The following ANKRD16 variants were observed in gnomAD, a reference collection of about 807,000 sequenced individuals.
ANKRD16 encodes the protein ankyrin repeat domain-containing protein 16.
Under a neutral mutation model 37.9 loss-of-function variants are expected in ANKRD16, and 35 were observed. That is an observed-to-expected ratio of 0.92 (90% CI 0.71 to 1.23). The LOEUF is 1.23. Ranked by LOEUF, ANKRD16 falls within the 50% of genes most tolerant of loss-of-function variation. The pLI, the probability that ANKRD16 is intolerant of heterozygous loss-of-function variation, is 0.00. For synonymous variants in ANKRD16, 206 were observed against 197.2 expected, an observed-to-expected ratio of 1.04 and a Z score of -0.37; for missense variants, 480 against 469.9, an observed-to-expected ratio of 1.02 and a Z score of -0.20.
intron 4 of ANKRD16, 147 bp downstream of exon 4, chr10:5,883,822 C>G (rs1183139830): frequency 1.6e-6 from 1 of 626,890 alleles, no homozygotes; most frequent in Non-Finnish European, 2.8e-6. Flanking sequence ...AACACTGGTG[C>G]TTAAAGAGGT....
At chr10:5,872,109 A>G (rs1330556371) in intron 7 of ANKRD16, among the ~76,000 whole-genome samples, 1 of 152,206 alleles carries the variant, frequency 6.6e-6, no homozygotes, top group African/African-American at 2.4e-5. Context: ...TATGGACAGT[A>G]ATACGATGGA....
chr10:5,887,374 C>CTTTT, intron 2 of ANKRD16, among the ~76,000 whole-genome samples: 1 of 137,834 alleles, frequency 7.3e-6, no homozygotes, highest in Admixed American at 7.3e-5. Flanking sequence ...CCCCTAGATG[C>CTTTT]TTTTTTTTTT....
chr10:5,862,912 C>G lies in ANKRD16; in HGVS notation c.*34-221G>C, dbSNP rs954392929. ...ATAGTAACAAGCTGTGTGTTTTGGG[C>G]ATTTCCCCTGTACCAGACACTGTGC... On this transcript the variant is annotated intron_variant, in intron 7 of 7. Coordinates refer to ENST00000380094, the MANE Select transcript of ANKRD16 (RefSeq NM_019046.3). This position sits in a 1 kb window ranked among gnomAD's most constrained non-coding sequence, Gnocchi z 6.5. 6.6e-6 allele frequency among the ~76,000 whole-genome samples: 1 copy of G among 152,094 alleles called. No individual in the cohort carries two copies. Among genetic ancestry groups the G allele is most frequent in the African/African-American group, 2.4e-5 (1 of 41,388 alleles).
In ANKRD16 at chr10:5,883,044, T is replaced by G; in HGVS notation, c.811A>C (p.Thr271Pro). Reference sequence around the variant, plus strand: ...TGAAGTGCTGTGAGGTGGGTTGATGTGGCTCTCACATCTACATCGACGCCA... The same window carrying G: ...TGAAGTGCTGTGAGGTGGGTTGATGGGGCTCTCACATCTACATCGACGCCA... ...ELGVDVDVRA[T>P]STHLTALHYA... The change falls in exon 5 of 8, where the codon ACA becomes CCA. Residue 271 changes from threonine to proline, a missense_variant. Transcript: ENST00000380094. 1.2e-6 allele frequency: 2 copies of G among 1,614,046 alleles called. No homozygotes were observed. Among genetic ancestry groups the G allele is most frequent in the South Asian group, 1.1e-5 (1 of 91,086 alleles).
rs1226353448 is a variant in ANKRD16 at position 5,862,200 on chromosome 10, G to GC, written c.*524dup. 1.5e-5 allele frequency: 4 copies of GC among 262,088 alleles called. No homozygotes were observed. Among genetic ancestry groups the GC allele is most frequent in the Non-Finnish European group, 3.0e-5 (4 of 131,176 alleles). The allele number at this position is 262,088 out of a possible 1,614,324, so 16.2% of individuals were successfully genotyped here. A position where few individuals can be genotyped will look rare whatever the true frequency, so the allele number is the denominator to read the frequency against. On this transcript the variant is annotated 3_prime_UTR_variant, in exon 8 of 8. Coordinates refer to ENST00000380094, the MANE Select transcript of ANKRD16 (RefSeq NM_019046.3). This position sits in a 1 kb window ranked among gnomAD's most constrained non-coding sequence, Gnocchi z 6.5. ...TTACAGGCATGAGCCACCGCAACCG[G>GC]CCCCCAGGAATTCTTTAATGGTTCC...
At position 5,871,602 on chromosome 10, in the gene ANKRD16, C is replaced by T. The variant is rs1253453086; in HGVS notation, c.*33+6495G>A. 6.6e-6 allele frequency among the ~76,000 whole-genome samples: 1 copy of T among 152,182 alleles called. No homozygotes were observed. Among genetic ancestry groups the T allele is most frequent in the African/African-American group, 2.4e-5 (1 of 41,434 alleles). On this transcript the variant is annotated intron_variant, in intron 7 of 7. Coordinates refer to ENST00000380094, the MANE Select transcript of ANKRD16 (RefSeq NM_019046.3). The surrounding 1 kb of genome is among the most constrained non-coding windows in gnomAD (Gnocchi z 4.5). Reference sequence around the variant, plus strand: ...ATGAGGCGCCCACGTGGGCTCTGCCCTGAACTTTTCTTCCTTCTTGCCCTT... The same window carrying T: ...ATGAGGCGCCCACGTGGGCTCTGCCTTGAACTTTTCTTCCTTCTTGCCCTT...
At chr10:5,872,697 C>G (rs1842115629) in intron 7 of ANKRD16, among the ~76,000 whole-genome samples, 1 of 150,950 alleles carries the variant, frequency 6.6e-6, no homozygotes, top group African/African-American at 2.4e-5. Flanking sequence ...GCTAGGACTA[C>G]AGGCGCCCGC....
At chr10:5,882,951 A>G (rs1182077613) in intron 5 of ANKRD16, 55 bp downstream of exon 5, 19 of 1,582,072 alleles carry the variant, frequency 1.2e-5, no homozygotes, top group Non-Finnish European at 1.6e-5. Flanking sequence ...CTACTGATCA[A>G]AGAAGTAAGG....
chr10:5,863,890 G>A lies in ANKRD16; in HGVS notation c.*34-1199C>T, dbSNP rs770542935. On this transcript the variant is annotated intron_variant, in intron 7 of 7. Transcript: ENST00000380094. This position sits in a 1 kb window ranked among gnomAD's most constrained non-coding sequence, Gnocchi z 4.7. ...GAACGCACCAGAAGGAATAAAGTCC[G>A]GATACATTTTGGCGACCCAGATGGG... 3.3e-5 allele frequency among the ~76,000 whole-genome samples: 5 copies of A among 152,062 alleles called. No individual in the cohort carries two copies. The highest frequency in any genetic ancestry group is 7.3e-5 in the Non-Finnish European group (5 of 68,034).
At position 5,863,970 on chromosome 10, in the gene ANKRD16, C is replaced by G. The variant is rs564772197; in HGVS notation, c.*34-1279G>C. On this transcript the variant is annotated intron_variant, in intron 7 of 7. Coordinates refer to ENST00000380094, the MANE Select transcript of ANKRD16 (RefSeq NM_019046.3). This position sits in a 1 kb window ranked among gnomAD's most constrained non-coding sequence, Gnocchi z 4.7. ...TGAAATGCATCTAAGCCATTGGGAC[C>G]AGTTTGACCCACAAACCCTGAAAAA... is the stretch of plus-strand genomic sequence containing the variant. 1.3e-5 allele frequency among the ~76,000 whole-genome samples: 2 copies of G among 152,228 alleles called. No homozygotes were observed. The highest frequency in any genetic ancestry group is 4.8e-5 in the African/African-American group (2 of 41,506).
rs866740002 is a variant in ANKRD16 at position 5,881,459 on chromosome 10, T to A, written c.850-1083A>T. On this transcript the variant is annotated intron_variant, in intron 5 of 7. Transcript: ENST00000380094. ...TTATTTATATATATATATATATATA[T>A]ATATATATATATATATATATATTTG... 2.5e-3 allele frequency among the ~76,000 whole-genome samples: 320 copies of A among 127,870 alleles called. 8 individuals carry two copies. The highest frequency in any genetic ancestry group is 8.4e-3 in the African/African-American group (283 of 33,744). 83.9% of individuals were successfully genotyped at this position (127,870 alleles called of 152,430 possible).
chr10:5,864,084 T>A lies in ANKRD16; in HGVS notation c.*34-1393A>T, dbSNP rs930535116. Among the ~76,000 whole-genome samples the A allele has an allele frequency of 6.6e-6, 1 of 152,044 alleles. No homozygotes were observed. Among genetic ancestry groups the A allele is most frequent in the Non-Finnish European group, 1.5e-5 (1 of 68,022 alleles). ...ATGGCCACCTGAGGGAAGTATAAAT[T>A]ACAATACTATCCTGCAGCTTGACCT... On this transcript the variant is annotated intron_variant, in intron 7 of 7. Transcript: ENST00000380094. This position sits in a 1 kb window ranked among gnomAD's most constrained non-coding sequence, Gnocchi z 4.4.
At position 5,862,534 on chromosome 10, in the gene ANKRD16, CTT is replaced by C. The variant is rs903904184; in HGVS notation, c.*189_*190del. 1.7e-6 allele frequency: 2 copies of C among 1,190,292 alleles called. No individual in the cohort carries two copies. The highest frequency in any genetic ancestry group is 2.2e-6 in the Non-Finnish European group (2 of 902,242). The allele number at this position is 1,190,292 out of a possible 1,614,324, so 73.7% of individuals were successfully genotyped here. On this transcript the variant is annotated 3_prime_UTR_variant, in exon 8 of 8. Transcript: ENST00000380094. The surrounding 1 kb of genome is among the most constrained non-coding windows in gnomAD (Gnocchi z 6.5). ...GGGGCCAGTGCAGATGTGGCACTGACTTCACCACTGGTACACCTCAGATATAC... is the reference window on the plus strand; with the variant it reads ...GGGGCCAGTGCAGATGTGGCACTGACCACCACTGGTACACCTCAGATATAC...
At chr10:5,873,186 T>C (rs560107815) in intron 7 of ANKRD16, among the ~76,000 whole-genome samples, 157 of 152,164 alleles carry the variant, frequency 1.0e-3, no homozygotes, top group African/African-American at 3.5e-3. Flanking sequence ...CATGCCACCA[T>C]GCCCAGCTAA....
In ANKRD16 at chr10:5,869,187, C is replaced by A. The variant is rs1842055210; in HGVS notation, c.*34-6496G>T. ...CCCAAGGGAGACAAAAGATTAGATA[C>A]CCTGCTTTTGGAGGCGAGGGATGTG... is the stretch of plus-strand genomic sequence containing the variant. On this transcript the variant is annotated intron_variant, in intron 7 of 7. Transcript: ENST00000380094. This position sits in a 1 kb window ranked among gnomAD's most constrained non-coding sequence, Gnocchi z 4.0. 6.6e-6 allele frequency among the ~76,000 whole-genome samples: 1 copy of A among 152,060 alleles called. No homozygotes were observed. The highest frequency in any genetic ancestry group is 1.5e-5 in the Non-Finnish European group (1 of 68,036).
chr10:5,873,593 CAA>C (rs1011377954), intron 7 of ANKRD16, among the ~76,000 whole-genome samples: 1 of 152,168 alleles, frequency 6.6e-6, no homozygotes, highest in South Asian at 2.1e-4. Context: ...GCCTTACAAA[CAA>C]AAGTCTGGGA....
chr10:5,879,550 A>T lies in ANKRD16; in HGVS notation c.928+748T>A, dbSNP rs138992668. Among the ~76,000 whole-genome samples, 617 of 152,276 alleles carry T rather than the reference A, an allele frequency of 4.1e-3. 7 individuals are homozygous for T. The highest frequency in any genetic ancestry group is 0.014 in the African/African-American group (588 of 41,554). ...GTTAGAGGGTTTATTTTAAAGTCCA[A>T]GTCTAAAGAATTTGCTCTCAGCAGA... On this transcript the variant is annotated intron_variant, in intron 6 of 7. Coordinates refer to ENST00000380094, the MANE Select transcript of ANKRD16 (RefSeq NM_019046.3).
chr10:5,889,360 C>A lies in ANKRD16; in HGVS notation c.-6G>T, dbSNP rs1414749069. ...GGGTCCCCGGGCTGGGCCATCGCCG[C>A]GGGTCGGGCCGGGCTGCGCGGGGAG... On this transcript the variant is annotated 5_prime_UTR_variant, in exon 1 of 8. Coordinates refer to ENST00000380094, the MANE Select transcript of ANKRD16 (RefSeq NM_019046.3). The A allele has an allele frequency of 6.5e-5, 79 of 1,213,182 alleles. No homozygotes were observed. In the East Asian group the frequency reaches 2.6e-3, roughly 40 times the overall value. 75.2% of individuals were successfully genotyped at this position (1,213,182 alleles called of 1,614,324 possible). A position where few individuals can be genotyped will look rare whatever the true frequency, so the allele number is the denominator to read the frequency against.
At chr10:5,884,413 A>G (rs998569347) in intron 3 of ANKRD16, among the ~76,000 whole-genome samples, 3 of 152,054 alleles carry the variant, frequency 2.0e-5, no homozygotes, top group African/African-American at 7.2e-5. Context: ...CCATCCTTCA[A>G]TTCCACAGCC....
Sources: gnomAD v4.1 joint callset for allele counts (sites outside exome capture counted in the v4.1 genomes callset) on GRCh38, gnomAD v4.1.1 for gene constraint, Gnocchi (gnomAD v3.1) non-coding constraint, MANE v1.5 for transcripts, NCBI Gene and HGNC (gene_info 2026-07-23, HGNC 2026-07-21) for gene names.